ADCYAP1R1: variants seen among roughly 807,000 people sequenced by gnomAD.
ADCYAP1R1 encodes the protein pituitary adenylate cyclase-activating polypeptide type I receptor.
ADCYAP1R1 carries 44 observed loss-of-function variants against 67.6 expected under a neutral mutation model. The observed-to-expected ratio is 0.65, with a 90% CI of 0.51 to 0.84. ADCYAP1R1 has a LOEUF of 0.84. Among genes scored for constraint, ADCYAP1R1 ranks in the 40% least tolerant of loss-of-function variants. The pLI is 0.00. For missense variants in ADCYAP1R1, 477 were observed against 587.9 expected (o/e 0.81, Z 1.95); for synonymous variants, 222 against 219.6 (o/e 1.01, Z -0.10).
At chr7:31,098,432 T>C (rs1796294958) in intron 13 of ADCYAP1R1, among the ~76,000 whole-genome samples, 1 of 152,118 alleles carries the variant, frequency 6.6e-6, no homozygotes, top group Admixed American at 6.5e-5. Flanking sequence ...TTGGCATGCA[T>C]GTGGATCCCC....
At chr7:31,096,183 G>A (rs764458753) in intron 13 of ADCYAP1R1, among the ~76,000 whole-genome samples, 1 of 152,128 alleles carries the variant, frequency 6.6e-6, no homozygotes, top group Non-Finnish European at 1.5e-5. Flanking sequence ...GAAGTGAGCC[G>A]GCTTCATTCT....
Position 31,075,666 on chromosome 7 carries a change from G to A in ADCYAP1R1, c.158-2325G>A, listed in dbSNP as rs555288618. On this transcript the variant is annotated intron_variant, in intron 3 of 15. Transcript: ENST00000304166. Reference sequence around the variant, plus strand: ...GGAAGGAAAAGTGAGTGGCAGGGCCGTAGGTAGGGTCGTAAATACCATGTT... The same window carrying A: ...GGAAGGAAAAGTGAGTGGCAGGGCCATAGGTAGGGTCGTAAATACCATGTT... Among the ~76,000 whole-genome samples the A allele has an allele frequency of 4.1e-4, 62 of 152,288 alleles. 1 individual carries two copies. In the Middle Eastern group the frequency reaches 0.014, roughly 33 times the overall value.
chr7:31,087,062 C>A (rs1289744336), intron 11 of ADCYAP1R1, 59 bp downstream of exon 11: 1 of 1,578,166 alleles, frequency 6.3e-7, no homozygotes, highest in Admixed American at 1.7e-5. Context: ...CAGATGGGTT[C>A]TCAGTAGCTG....
intron 13 of ADCYAP1R1, chr7:31,095,516 C>T (rs982865592): frequency 5.6e-5 from 38 of 679,278 alleles, no homozygotes; most frequent in African/African-American, 2.1e-4. Flanking sequence ...GAATGTCAGG[C>T]GCAGGGGAGG....
chr7:31,091,213 A>G (rs766047598), intron 12 of ADCYAP1R1, among the ~76,000 whole-genome samples: 2 of 152,182 alleles, frequency 1.3e-5, no homozygotes, highest in Non-Finnish European at 2.9e-5. Context: ...CTGCTTGTAC[A>G]TCTTCTTTAG....
chr7:31,081,658 A>G, intron 5 of ADCYAP1R1, 55 bp from the exon 6 acceptor site: 1 of 1,449,604 alleles, frequency 6.9e-7, no homozygotes, highest in Non-Finnish European at 9.5e-7. Flanking sequence ...GAGAGTAAAC[A>G]GTAGCTAACT....
chr7:31,097,701 G>A (rs767496256), intron 13 of ADCYAP1R1, among the ~76,000 whole-genome samples: 13 of 152,092 alleles, frequency 8.5e-5, no homozygotes, highest in Non-Finnish European at 1.8e-4. Flanking sequence ...AACATCTAGG[G>A]TCCGGGAGGG....
In ADCYAP1R1 at chr7:31,056,436, T is replaced by C. The variant is rs377086605; in HGVS notation, c.-72+3758T>C. ...CACCTCTGAACTTCCCAGCTGCTGATCTAAGGCCTGTGGACTTGTGTAGTG... is the reference window on the plus strand; with the variant it reads ...CACCTCTGAACTTCCCAGCTGCTGACCTAAGGCCTGTGGACTTGTGTAGTG... On this transcript the variant is annotated intron_variant, in intron 1 of 15. Transcript: ENST00000304166. Among the ~76,000 whole-genome samples, 28 of 152,288 alleles carry C rather than the reference T, an allele frequency of 1.8e-4. 1 individual carries two copies. Among genetic ancestry groups the C allele is most frequent in the African/African-American group, 6.5e-4 (27 of 41,558 alleles).
rs1387951800 is a variant in ADCYAP1R1 at position 31,054,972 on chromosome 7, A to ACC, written c.-72+2294_-72+2295insCC. ...GAGAGGAATCTGATTCCAGGGTCTG[A>ACC]ATGAGTTGGGCTTAGTGGTCCAGCC... On this transcript the variant is annotated intron_variant, in intron 1 of 15. Coordinates refer to ENST00000304166, the MANE Select transcript of ADCYAP1R1 (RefSeq NM_001118.5). Among the ~76,000 whole-genome samples the ACC allele has an allele frequency of 7.2e-5, 11 of 152,322 alleles. No homozygotes were observed. In the East Asian group the frequency reaches 1.9e-3, roughly 27 times the overall value.
At chr7:31,078,361 G>A (rs1795366446) in intron 4 of ADCYAP1R1, among the ~76,000 whole-genome samples, 1 of 152,232 alleles carries the variant, frequency 6.6e-6, no homozygotes, top group South Asian at 2.1e-4. Flanking sequence ...CTCCAGCCCA[G>A]GTCCCTGTCT....
At position 31,102,750 on chromosome 7, in the gene ADCYAP1R1, C is replaced by T. The variant is rs1258848405; in HGVS notation, c.1047-487C>T. ...TCCTCCCTCCCTGCCATCAGCACTT[C>T]CCCATCACTTGGTGAGTGTCCCGGC... On this transcript the variant is annotated intron_variant, in intron 13 of 15. Coordinates refer to ENST00000304166, the MANE Select transcript of ADCYAP1R1 (RefSeq NM_001118.5). This position sits in a 1 kb window ranked among gnomAD's most constrained non-coding sequence, Gnocchi z 4.3. Among the ~76,000 whole-genome samples, 3 of 152,122 alleles carry T rather than the reference C, an allele frequency of 2.0e-5. No homozygotes were observed. The highest frequency in any genetic ancestry group is 7.2e-5 in the African/African-American group (3 of 41,428).
At chr7:31,081,031 C>T (rs1223891045) in intron 5 of ADCYAP1R1, among the ~76,000 whole-genome samples, 1 of 152,170 alleles carries the variant, frequency 6.6e-6, no homozygotes, top group Non-Finnish European at 1.5e-5. Flanking sequence ...GCACAGTGAG[C>T]AAGAGAACAG....
chr7:31,086,329 C>T lies in ADCYAP1R1; in HGVS notation c.670-55C>T. The T allele has an allele frequency of 6.3e-7, 1 of 1,588,114 alleles. No individual in the cohort carries two copies. Among genetic ancestry groups the T allele is most frequent in the East Asian group, 2.2e-5 (1 of 44,662 alleles). On this transcript the variant is annotated intron_variant, in intron 9 of 15. Transcript: ENST00000304166. This position sits in a 1 kb window ranked among gnomAD's most constrained non-coding sequence, Gnocchi z 5.0. ...GAGCCAACGGGCCCTAGGATTCTCC[C>T]TTGCTCCTGTTCCTGTTGGGCTCAC...
intron 9 of ADCYAP1R1, 129 bp downstream of exon 9, chr7:31,085,571 T>A: frequency 9.4e-7 from 1 of 1,064,486 alleles, no homozygotes; most frequent in Non-Finnish European, 1.3e-6. Context: ...GTGAAGGCAT[T>A]GCCCCACCCC....
intron 2 of ADCYAP1R1, 37 bp downstream of exon 2, chr7:31,063,352 C>T (rs1053651496): frequency 4.3e-6 from 7 of 1,611,912 alleles, no homozygotes; most frequent in Non-Finnish European, 5.9e-6. Flanking sequence ...GAGCCCCAGG[C>T]TCACCTGAGT....
intron 3 of ADCYAP1R1, among the ~76,000 whole-genome samples, chr7:31,072,737 C>T (rs2128622065): frequency 6.6e-6 from 1 of 152,324 alleles, no homozygotes; most frequent in East Asian, 1.9e-4. Context: ...TCATCCTAAT[C>T]CCTGAAACCT....
chr7:31,103,806 A>G (rs974061170), intron 14 of ADCYAP1R1, among the ~76,000 whole-genome samples: 2 of 152,122 alleles, frequency 1.3e-5, no homozygotes, highest in African/African-American at 4.8e-5. Context: ...AACAGACATG[A>G]GTGAGTGGGG....
chr7:31,082,056 C>T (rs10081254), intron 6 of ADCYAP1R1, among the ~76,000 whole-genome samples: 18,144 of 152,206 alleles, frequency 0.12, 1,486 homozygotes, highest in African/African-American at 0.23. Context: ...GCATCTAGAA[C>T]AGTAGCTCTC....
At chr7:31,075,996 G>C (rs1795194225) in intron 3 of ADCYAP1R1, among the ~76,000 whole-genome samples, 1 of 152,184 alleles carries the variant, frequency 6.6e-6, no homozygotes, top group Non-Finnish European at 1.5e-5. Context: ...ATCAGGTTTG[G>C]GCAGGAGATG....
Sources: allele counts gnomAD v4.1 joint callset (sites outside exome capture counted in the v4.1 genomes callset), GRCh38; gene constraint gnomAD v4.1.1; non-coding constraint Gnocchi (gnomAD v3.1); transcripts MANE v1.5; gene names NCBI Gene and HGNC (gene_info 2026-07-23, HGNC 2026-07-21).